The following NRG1 variants were observed in gnomAD, a reference collection of about 807,000 sequenced individuals.
The protein encoded by NRG1 is neuregulin 1, also known as pro-neuregulin-1, membrane-bound isoform.
Under a neutral mutation model 63.8 loss-of-function variants are expected in NRG1, and 18 were observed. The ratio of observed to expected loss-of-function variants is 0.28; its 90% confidence interval spans 0.19 to 0.42. The LOEUF (loss-of-function observed/expected upper bound fraction) is 0.42. Among genes scored for constraint, NRG1 ranks in the 10% least tolerant of loss-of-function variants. The pLI is 1.00. For missense variants in NRG1, 762 were observed against 814.7 expected, an observed-to-expected ratio of 0.94 and a Z score of 0.79; for synonymous variants, 302 against 301.3, an observed-to-expected ratio of 1.00 and a Z score of -0.02.
At chr8:31,669,762 G>A (rs1325534808) in intron 1 of NRG1, among the ~76,000 whole-genome samples, 1 of 152,112 alleles carries the variant, frequency 6.6e-6, no homozygotes, top group African/African-American at 2.4e-5. Flanking sequence ...ATGCATATCT[G>A]GTGTGCACAG....
At chr8:31,683,838 G>A (rs1422124800) in intron 1 of NRG1, among the ~76,000 whole-genome samples, 2 of 152,042 alleles carry the variant, frequency 1.3e-5, no homozygotes, top group Non-Finnish European at 2.9e-5. Context: ...GTTCTATGTT[G>A]CTGTGAACCT....
At chr8:31,983,540 T>C (rs1482305997) in intron 1 of NRG1, among the ~76,000 whole-genome samples, 1 of 151,988 alleles carries the variant, frequency 6.6e-6, no homozygotes, top group Non-Finnish European at 1.5e-5. Flanking sequence ...CCACCAAACC[T>C]GTCTATTTTT....
intron 1 of NRG1, among the ~76,000 whole-genome samples, chr8:32,384,588 T>C (rs1389616581): frequency 1.3e-5 from 2 of 152,202 alleles, no homozygotes; most frequent in Non-Finnish European, 2.9e-5. Context: ...ATAGATACAA[T>C]TTTGCCTTTT....
intron 1 of NRG1, among the ~76,000 whole-genome samples, chr8:31,909,525 A>T (rs1832776810): frequency 6.6e-6 from 1 of 152,206 alleles, no homozygotes; most frequent in Non-Finnish European, 1.5e-5. Flanking sequence ...ACATTTATGT[A>T]AACATGTAAT....
intron 5 of NRG1, among the ~76,000 whole-genome samples, chr8:32,682,626 G>A (rs144828762): frequency 1.3e-5 from 2 of 152,222 alleles, no homozygotes; most frequent in East Asian, 1.9e-4. Context: ...AGTTGTCATG[G>A]GCAAGGCCGC....
chr8:31,774,839 C>G (rs748428321), intron 1 of NRG1, among the ~76,000 whole-genome samples: 16 of 152,068 alleles, frequency 1.1e-4, no homozygotes, highest in Non-Finnish European at 1.9e-4. Flanking sequence ...AAATGCACAC[C>G]ATCAGTAATC....
chr8:31,925,884 A>G (rs1834322792), intron 1 of NRG1, among the ~76,000 whole-genome samples: 1 of 152,202 alleles, frequency 6.6e-6, no homozygotes, highest in South Asian at 2.1e-4. Context: ...ACAGTTATTT[A>G]TTCTAAAATC....
intron 1 of NRG1, among the ~76,000 whole-genome samples, chr8:31,833,840 A>G (rs1825408495): frequency 6.6e-6 from 1 of 152,258 alleles, no homozygotes; most frequent in Non-Finnish European, 1.5e-5. Context: ...GGTTAATTCT[A>G]TTGGGAAACA....
chr8:31,862,553 ATATACT>A (rs1464400947), intron 1 of NRG1, among the ~76,000 whole-genome samples: 1 of 152,200 alleles, frequency 6.6e-6, no homozygotes, highest in Non-Finnish European at 1.5e-5. Context: ...CAACTAAATG[ATATACT>A]TAACCACCTG....
intron 1 of NRG1, among the ~76,000 whole-genome samples, chr8:32,024,784 T>C (rs1816984297): frequency 6.6e-6 from 1 of 152,168 alleles, no homozygotes; most frequent in Non-Finnish European, 1.5e-5. Flanking sequence ...CAAAAGGAAC[T>C]TTCCACCATT....
At chr8:31,669,295 T>C (rs541787552) in intron 1 of NRG1, among the ~76,000 whole-genome samples, 2 of 151,634 alleles carry the variant, frequency 1.3e-5, no homozygotes, top group South Asian at 4.2e-4. Context: ...TGGAGCACAA[T>C]GGAGCAATCT....
At chr8:32,328,007 A>G (rs1032531078) in intron 1 of NRG1, among the ~76,000 whole-genome samples, 1 of 152,230 alleles carries the variant, frequency 6.6e-6, no homozygotes, top group Admixed American at 6.5e-5. Flanking sequence ...TCAAATCTTT[A>G]ATGTGGAAAG....
intron 1 of NRG1, among the ~76,000 whole-genome samples, chr8:31,918,630 C>G (rs987523305): frequency 2.0e-4 from 31 of 152,154 alleles, no homozygotes; most frequent in African/African-American, 7.5e-4. Context: ...ATTTTTGCAT[C>G]AATGTTCATC....
intron 1 of NRG1, among the ~76,000 whole-genome samples, chr8:31,923,445 A>T (rs1413299576): frequency 6.6e-6 from 1 of 152,152 alleles, no homozygotes; most frequent in Non-Finnish European, 1.5e-5. Flanking sequence ...TACCCTTGTG[A>T]TAGCAAGGTT....
chr8:32,740,294 C>A (rs1826015494), intron 6 of NRG1, among the ~76,000 whole-genome samples: 1 of 143,336 alleles, frequency 7.0e-6, no homozygotes. Flanking sequence ...CTCCCGGGTT[C>A]AAGTGATTCT....
chr8:32,419,751 A>G (rs1477506859), intron 1 of NRG1, among the ~76,000 whole-genome samples: 1 of 152,206 alleles, frequency 6.6e-6, no homozygotes, highest in Non-Finnish European at 1.5e-5. Flanking sequence ...TGCAAGGTAA[A>G]CAAGAGGTTA....
intron 1 of NRG1, among the ~76,000 whole-genome samples, chr8:31,776,317 C>G (rs1446066227): frequency 6.6e-6 from 1 of 152,202 alleles, no homozygotes; most frequent in African/African-American, 2.4e-5. Flanking sequence ...TGTCTGAAGC[C>G]TGAGATGGCT....
intron 1 of NRG1, among the ~76,000 whole-genome samples, chr8:31,843,431 A>G (rs770217356): frequency 4.6e-5 from 7 of 152,214 alleles, no homozygotes; most frequent in Non-Finnish European, 1.0e-4. Flanking sequence ...CTGAGAAAGT[A>G]GTAATTTTTT....
chr8:31,758,334 T>C (rs1025242354), intron 1 of NRG1, among the ~76,000 whole-genome samples: 25 of 152,230 alleles, frequency 1.6e-4, no homozygotes, highest in African/African-American at 5.8e-4. Flanking sequence ...CCTGTGTTAG[T>C]TTGCTGAGAA....
Sources: gnomAD v4.1 joint callset for allele counts (sites outside exome capture counted in the v4.1 genomes callset) on GRCh38, gnomAD v4.1.1 for gene constraint, MANE v1.5 for transcripts, NCBI Gene and HGNC (gene_info 2026-07-23, HGNC 2026-07-21) for gene names.